SLC35F1: variants seen among roughly 807,000 people sequenced by gnomAD.
The protein encoded by SLC35F1 is solute carrier family 35 member F1, also known as chromosome 6 open reading frame 169.
In SLC35F1, 14 loss-of-function variants were observed where a neutral mutation model predicts 48.7. The observed-to-expected ratio is 0.29, with a 90% CI of 0.19 to 0.45. The LOEUF is 0.45. Ranked by LOEUF, SLC35F1 falls within the 20% of genes least tolerant of loss-of-function variation. The probability of loss-of-function intolerance (pLI) is 1.00; values close to 1 mark genes in which losing one functional copy is unlikely to be tolerated. For missense variants in SLC35F1, 404 were observed against 500.0 expected, an observed-to-expected ratio of 0.81 and a Z score of 1.83; for synonymous variants, 190 against 202.2, an observed-to-expected ratio of 0.94 and a Z score of 0.51.
At chr6:118,092,379 G>T (rs906126864) in intron 1 of SLC35F1, among the ~76,000 whole-genome samples, 1 of 152,220 alleles carries the variant, frequency 6.6e-6, no homozygotes, top group African/African-American at 2.4e-5. Context: ...AGATTTCAGA[G>T]GATGTATGGA....
chr6:117,971,776 G>T (rs1045759600), intron 1 of SLC35F1, among the ~76,000 whole-genome samples: 1 of 152,246 alleles, frequency 6.6e-6, no homozygotes. Context: ...TAGAGCTATA[G>T]CAGCTGGGAC....
intron 6 of SLC35F1, among the ~76,000 whole-genome samples, chr6:118,281,887 T>C (rs1014574520): frequency 2.0e-5 from 3 of 152,342 alleles, no homozygotes; most frequent in Admixed American, 2.0e-4. Flanking sequence ...GTTATCAGCA[T>C]TACACTGTTG....
chr6:117,926,058 A>G (rs76098999), intron 1 of SLC35F1, among the ~76,000 whole-genome samples: 3,028 of 152,234 alleles, frequency 0.02, 41 homozygotes, highest in Non-Finnish European at 0.032. Context: ...GGAGTTGGGG[A>G]AGGCATCTAA....
chr6:118,299,960 G>A (rs181958730), intron 7 of SLC35F1, among the ~76,000 whole-genome samples: 1 of 152,220 alleles, frequency 6.6e-6, no homozygotes, highest in East Asian at 1.9e-4. Context: ...TAATTGTGAG[G>A]CATAAATGAA....
At chr6:118,003,619 C>G (rs888697627) in intron 1 of SLC35F1, among the ~76,000 whole-genome samples, 7 of 152,182 alleles carry the variant, frequency 4.6e-5, no homozygotes, top group Non-Finnish European at 1.0e-4. Context: ...ATTCAGTTTT[C>G]TCATCGGTAA....
rs978982453 is a variant in SLC35F1, at chr6:118,315,993, A to G, written c.*1741A>G. 3.3e-5 allele frequency: 5 copies of G among 152,244 alleles called. No homozygotes were observed. Among genetic ancestry groups the G allele is most frequent in the African/African-American group, 4.8e-5 (2 of 41,464 alleles). The allele number at this position is 152,244 out of a possible 1,614,324, so 9.4% of individuals were successfully genotyped here. ...TACAGGGTTTATAGGGGAAAAATAC[A>G]TGTTTATGAGACATTGGGCAATTCA... On this transcript the variant is annotated 3_prime_UTR_variant, in exon 8 of 8. Transcript: ENST00000360388.
At chr6:118,249,297 T>C (rs1052673902) in intron 3 of SLC35F1, among the ~76,000 whole-genome samples, 4 of 152,196 alleles carry the variant, frequency 2.6e-5, no homozygotes, top group African/African-American at 9.7e-5. Flanking sequence ...TTCCATTGTT[T>C]GAGAAAAGTA....
At chr6:118,161,528 A>G (rs1774234411) in intron 2 of SLC35F1, among the ~76,000 whole-genome samples, 1 of 152,224 alleles carries the variant, frequency 6.6e-6, no homozygotes, top group African/African-American at 2.4e-5. Context: ...TAGTACTGTC[A>G]CTTACCTAAG....
At chr6:117,916,353 T>C (rs1775825970) in intron 1 of SLC35F1, among the ~76,000 whole-genome samples, 1 of 152,160 alleles carries the variant, frequency 6.6e-6, no homozygotes, top group Non-Finnish European at 1.5e-5. Context: ...AAAAAACGGG[T>C]ATTTTATGAC....
At chr6:117,917,099 CCTCT>C (rs150762848) in intron 1 of SLC35F1, among the ~76,000 whole-genome samples, 4 of 149,868 alleles carry the variant, frequency 2.7e-5, no homozygotes, top group African/African-American at 9.8e-5. Flanking sequence ...GCTGGTCAGG[CCTCT>C]CTCTCTCTCT....
chr6:118,077,426 A>G (rs1772837500), intron 1 of SLC35F1, among the ~76,000 whole-genome samples: 1 of 152,262 alleles, frequency 6.6e-6, no homozygotes, highest in Admixed American at 6.5e-5. Context: ...CAAGAGAGAC[A>G]GGGAAATACC....
chr6:118,311,389 A>T (rs549431869), intron 7 of SLC35F1, among the ~76,000 whole-genome samples: 2 of 146,582 alleles, frequency 1.4e-5, no homozygotes, highest in South Asian at 2.2e-4. Flanking sequence ...CATTCAAGAT[A>T]AAAAAAAAAT....
intron 2 of SLC35F1, among the ~76,000 whole-genome samples, chr6:118,232,408 C>T (rs747915408): frequency 9.9e-5 from 15 of 151,806 alleles, no homozygotes; most frequent in Non-Finnish European, 2.1e-4. Context: ...ATTAGCTGGG[C>T]GTGGTGGTGC....
intron 1 of SLC35F1, among the ~76,000 whole-genome samples, chr6:118,043,970 G>A (rs1314441277): frequency 6.6e-6 from 1 of 152,194 alleles, no homozygotes; most frequent in African/African-American, 2.4e-5. Context: ...CAAGTCTGTG[G>A]TGATTACTGA....
chr6:117,962,122 T>C (rs2114835928), intron 1 of SLC35F1, among the ~76,000 whole-genome samples: 1 of 152,274 alleles, frequency 6.6e-6, no homozygotes, highest in Non-Finnish European at 1.5e-5. Flanking sequence ...AGGGTTTGAG[T>C]CCTCAATGTA....
intron 7 of SLC35F1, among the ~76,000 whole-genome samples, chr6:118,301,756 G>A (rs1776256934): frequency 6.6e-6 from 1 of 151,998 alleles, no homozygotes; most frequent in Non-Finnish European, 1.5e-5. Context: ...CAGGCCATAC[G>A]GTCTCCATCA....
intron 1 of SLC35F1, among the ~76,000 whole-genome samples, chr6:118,082,157 T>C (rs1000113403): frequency 1.3e-5 from 2 of 152,214 alleles, no homozygotes; most frequent in African/African-American, 2.4e-5. Flanking sequence ...ACATTACAGA[T>C]GGCTCATTGA....
At chr6:117,955,969 AT>A (rs1776421973) in intron 1 of SLC35F1, among the ~76,000 whole-genome samples, 2 of 152,242 alleles carry the variant, frequency 1.3e-5, no homozygotes, top group South Asian at 4.1e-4. Context: ...CACAATAGTC[AT>A]TAAGAGAAAC....
chr6:118,179,160 G>A (rs866636855), intron 2 of SLC35F1, among the ~76,000 whole-genome samples: 32 of 151,990 alleles, frequency 2.1e-4, no homozygotes, highest in African/African-American at 7.7e-4. Context: ...GTGTTCTCCA[G>A]AGAAACAGAA....
Sources: allele counts gnomAD v4.1 joint callset (sites outside exome capture counted in the v4.1 genomes callset), GRCh38; gene constraint gnomAD v4.1.1; transcripts MANE v1.5; gene names NCBI Gene and HGNC (gene_info 2026-07-23, HGNC 2026-07-21).